The following SLC1A1 variants were observed in gnomAD, a reference collection of about 807,000 sequenced individuals.
SLC1A1 encodes excitatory amino acid transporter 3.
A neutral mutation model predicts 53.3 loss-of-function variants in SLC1A1; 43 were observed. The observed-to-expected ratio is 0.81, with a 90% CI of 0.63 to 1.04. The LOEUF (loss-of-function observed/expected upper bound fraction) is 1.04. SLC1A1 is among the 50% of genes least tolerant of loss of function. The pLI is 0.00. For synonymous variants in SLC1A1, 307 were observed against 243.2 expected (o/e 1.26, Z -2.44); for missense variants, 748 against 664.9 (o/e 1.12, Z -1.37).
intron 1 of SLC1A1, among the ~76,000 whole-genome samples, chr9:4,492,951 G>A (rs1820288887): frequency 1.3e-5 from 2 of 152,174 alleles, no homozygotes; most frequent in South Asian, 2.1e-4. Context: ...GTCAGCATGC[G>A]ATTCACTGGA....
chr9:4,529,690 T>TGTGTG (rs1564010478), intron 1 of SLC1A1, among the ~76,000 whole-genome samples: 55 of 151,286 alleles, frequency 3.6e-4, no homozygotes, highest in African/African-American at 1.3e-3. Flanking sequence ...ATGAAACTTT[T>TGTGTG]TTTGTGTGTG....
At chr9:4,512,283 TG>T (rs1455739770) in intron 1 of SLC1A1, among the ~76,000 whole-genome samples, 3 of 152,102 alleles carry the variant, frequency 2.0e-5, no homozygotes, top group African/African-American at 7.2e-5. Context: ...GAGGCTGAGG[TG>T]GGCAGATTGC....
chr9:4,529,153 G>A (rs570491972), intron 1 of SLC1A1, among the ~76,000 whole-genome samples: 3 of 152,148 alleles, frequency 2.0e-5, no homozygotes, highest in East Asian at 1.9e-4. Flanking sequence ...TACAGGATTC[G>A]CACACTGCTT....
At position 4,556,750 on chromosome 9, in the gene SLC1A1, C is replaced by G. The variant is rs1045277826; in HGVS notation, c.233-4699C>G. ...CACCAAGACAATATCGTCCCCAAGGCAGCAAAAGCTGTTTTTATTTGGTGG... is the reference window on the plus strand; with the variant it reads ...CACCAAGACAATATCGTCCCCAAGGGAGCAAAAGCTGTTTTTATTTGGTGG... On this transcript the variant is annotated intron_variant, in intron 2 of 11. Coordinates refer to ENST00000262352, the MANE Select transcript of SLC1A1 (RefSeq NM_004170.6). The surrounding 1 kb of genome is among the most constrained non-coding windows in gnomAD (Gnocchi z 4.1). 6.6e-6 allele frequency among the ~76,000 whole-genome samples: 1 copy of G among 152,128 alleles called. No individual in the cohort carries two copies. Among genetic ancestry groups the G allele is most frequent in the Non-Finnish European group, 1.5e-5 (1 of 68,028 alleles).
intron 2 of SLC1A1, among the ~76,000 whole-genome samples, chr9:4,554,840 T>C (rs1436089212): frequency 1.3e-5 from 2 of 152,246 alleles, no homozygotes; most frequent in Admixed American, 6.5e-5. Context: ...AGGGAGGGAA[T>C]GAATGAATCA....
chr9:4,575,021 G>A (rs139261602), intron 8 of SLC1A1, among the ~76,000 whole-genome samples: 36 of 152,316 alleles, frequency 2.4e-4, no homozygotes, highest in African/African-American at 7.0e-4. Context: ...GCCAGGGATC[G>A]TGTCTCAGCA....
At chr9:4,546,213 G>C (rs1817480829) in intron 2 of SLC1A1, among the ~76,000 whole-genome samples, 1 of 152,118 alleles carries the variant, frequency 6.6e-6, no homozygotes, top group African/African-American at 2.4e-5. Context: ...GATGTTCTCG[G>C]CTTATGAGAA....
At chr9:4,504,610 G>C (rs1398565648) in intron 1 of SLC1A1, among the ~76,000 whole-genome samples, 2 of 152,226 alleles carry the variant, frequency 1.3e-5, no homozygotes, top group Non-Finnish European at 2.9e-5. Context: ...GGTTTCACCA[G>C]ACTGAAGAGA....
At chr9:4,545,485 G>C (rs1374601715) in intron 2 of SLC1A1, among the ~76,000 whole-genome samples, 1 of 152,160 alleles carries the variant, frequency 6.6e-6, no homozygotes. Context: ...TGTCAATTTT[G>C]ATCATGTTTT....
chr9:4,574,081 G>A (rs35045656), intron 8 of SLC1A1, 67 bp downstream of exon 8: 1 of 1,107,026 alleles, frequency 9.0e-7, no homozygotes, highest in African/African-American at 1.5e-5. Flanking sequence ...CTGAGAGGTT[G>A]GGTTTCAGTT....
intron 1 of SLC1A1, among the ~76,000 whole-genome samples, chr9:4,503,531 T>C (rs1197098250): frequency 6.6e-6 from 1 of 151,752 alleles, no homozygotes; most frequent in East Asian, 1.9e-4. Context: ...ACTGGGAAAG[T>C]TCCTGGAGGA....
intron 1 of SLC1A1, among the ~76,000 whole-genome samples, chr9:4,517,255 C>G (rs1322724594): frequency 6.6e-6 from 1 of 152,194 alleles, no homozygotes; most frequent in African/African-American, 2.4e-5. Context: ...CAAGGTTCAT[C>G]TAAAATTCTT....
At chr9:4,539,925 G>A (rs1211522330) in intron 1 of SLC1A1, among the ~76,000 whole-genome samples, 1 of 152,134 alleles carries the variant, frequency 6.6e-6, no homozygotes. Context: ...GGGACAGGAG[G>A]CAGAGAAATT....
intron 6 of SLC1A1, among the ~76,000 whole-genome samples, chr9:4,568,199 C>T (rs1819667375): frequency 6.6e-6 from 1 of 151,970 alleles, no homozygotes; most frequent in Non-Finnish European, 1.5e-5. Flanking sequence ...GCGGGAGGAT[C>T]GCTTGAGCCC....
At chr9:4,548,409 A>G (rs1202789092) in intron 2 of SLC1A1, among the ~76,000 whole-genome samples, 6 of 152,162 alleles carry the variant, frequency 3.9e-5, no homozygotes, top group Admixed American at 3.9e-4. Flanking sequence ...GAGTCCCCTA[A>G]GGATACGTAA....
In SLC1A1 at chr9:4,511,717, C is replaced by T. The variant is rs370914622; in HGVS notation, c.91+20947C>T. Among the ~76,000 whole-genome samples the T allele has an allele frequency of 3.0e-3, 454 of 152,110 alleles. 3 individuals are homozygous for T. Among genetic ancestry groups the T allele is most frequent in the African/African-American group, 0.01 (435 of 41,498 alleles). On this transcript the variant is annotated intron_variant, in intron 1 of 11. Transcript: ENST00000262352. ...TTCTTTTGAATATCTCACTGGAAACCTGGGCCAGTGCAACAGGGCAAGAAA... is the reference window on the plus strand; with the variant it reads ...TTCTTTTGAATATCTCACTGGAAACTTGGGCCAGTGCAACAGGGCAAGAAA...
At chr9:4,525,849 C>T (rs960192723) in intron 1 of SLC1A1, among the ~76,000 whole-genome samples, 53 of 151,914 alleles carry the variant, frequency 3.5e-4, no homozygotes, top group African/African-American at 1.2e-3. Context: ...GATTTGGAAA[C>T]TGAAACTCAT....
intron 1 of SLC1A1, among the ~76,000 whole-genome samples, chr9:4,515,046 T>TCC (rs1821119299): frequency 6.6e-6 from 1 of 151,688 alleles, no homozygotes; most frequent in Non-Finnish European, 1.5e-5. Flanking sequence ...TCTCTCTCTC[T>TCC]CCCCCAACCC....
intron 10 of SLC1A1, 25 bp downstream of exon 10, chr9:4,576,788 G>A: frequency 5.0e-6 from 8 of 1,597,190 alleles, no homozygotes; most frequent in Non-Finnish European, 6.9e-6. Context: ...CACATTCATT[G>A]TCATCACTGA....
Sources: gnomAD v4.1 joint callset for allele counts (sites outside exome capture counted in the v4.1 genomes callset) on GRCh38, gnomAD v4.1.1 for gene constraint, Gnocchi (gnomAD v3.1) non-coding constraint, MANE v1.5 for transcripts, NCBI Gene and HGNC (gene_info 2026-07-23, HGNC 2026-07-21) for gene names.